Variants in LRRC38 observed in about 807,000 individuals in gnomAD.
LRRC38 encodes leucine-rich repeat-containing protein 38.
In LRRC38, 5 loss-of-function variants were observed where a neutral mutation model predicts 16.4. The ratio of observed to expected loss-of-function variants is 0.31; its 90% confidence interval spans 0.16 to 0.64. The LOEUF (loss-of-function observed/expected upper bound fraction) is 0.64. Ranked by LOEUF, LRRC38 falls within the 30% of genes least tolerant of loss-of-function variation. LRRC38 has a pLI of 0.80. For synonymous variants in LRRC38, 191 were observed against 190.2 expected (o/e 1.00, Z -0.04); for missense variants, 341 against 401.8 (o/e 0.85, Z 1.29).
chr1:13,512,922 C>CCCCCCAG, intron 1 of LRRC38, 41 bp downstream of exon 1: 1 of 1,218,340 alleles, frequency 8.2e-7, no homozygotes, highest in South Asian at 1.4e-5. Flanking sequence ...CCTCTCCCTG[C>CCCCCCAG]CCCCCTCCCT....
intron 1 of LRRC38, among the ~76,000 whole-genome samples, chr1:13,492,195 CA>C (rs1378943025): frequency 1.3e-5 from 2 of 152,288 alleles, no homozygotes; most frequent in East Asian, 3.9e-4. Context: ...GTACTGCGTA[CA>C]AGTGAAATCA....
chr1:13,481,807 C>A (rs1313478176), intron 1 of LRRC38, among the ~76,000 whole-genome samples: 1 of 138,552 alleles, frequency 7.2e-6, no homozygotes, highest in African/African-American at 2.8e-5. Flanking sequence ...CTCTCTCTCT[C>A]TCTCTCTCTC....
intron 1 of LRRC38, among the ~76,000 whole-genome samples, chr1:13,497,006 T>C (rs1639088389): frequency 6.6e-6 from 1 of 151,566 alleles, no homozygotes; most frequent in African/African-American, 2.4e-5. Context: ...GGCCCTGAGG[T>C]AAGAAGGTAC....
chr1:13,481,376 GTTTTTTTTATTTT>G lies in LRRC38; in HGVS notation c.632-5290_632-5278del, dbSNP rs1393636839. ...TCTGGCCAGGGATTAGTGTTCTTATGTTTTTTTTATTTTTTTTTTTTTGTTCTTTTTTTGAGAT... is the reference window on the plus strand; with the variant it reads ...TCTGGCCAGGGATTAGTGTTCTTATGTTTTTTTTTGTTCTTTTTTTGAGAT... On this transcript the variant is annotated intron_variant, in intron 1 of 1. Transcript: ENST00000376085. 2.4e-3 allele frequency among the ~76,000 whole-genome samples: 329 copies of G among 135,738 alleles called. 3 individuals carry two copies. The highest frequency in any genetic ancestry group is 3.6e-3 in the Non-Finnish European group (222 of 61,660). The allele number at this position is 135,738 out of a possible 152,430, so 89.0% of individuals were successfully genotyped here. A position where few individuals can be genotyped will look rare whatever the true frequency, so the allele number is the denominator to read the frequency against.
chr1:13,496,667 C>T (rs79888716), intron 1 of LRRC38, among the ~76,000 whole-genome samples: 154 of 152,224 alleles, frequency 1.0e-3, no homozygotes, highest in Non-Finnish European at 1.9e-3. Flanking sequence ...ACGTATGGAG[C>T]ACCTATTACC....
intron 1 of LRRC38, among the ~76,000 whole-genome samples, chr1:13,510,001 C>T (rs1197408986): frequency 6.6e-6 from 1 of 152,148 alleles, no homozygotes; most frequent in Non-Finnish European, 1.5e-5. Flanking sequence ...CACAAGCTCC[C>T]CTGGCGATTC....
intron 1 of LRRC38, among the ~76,000 whole-genome samples, chr1:13,496,841 G>C (rs1557501578): frequency 6.6e-6 from 1 of 152,180 alleles, no homozygotes; most frequent in Admixed American, 6.5e-5. Flanking sequence ...AGGGGGACAG[G>C]GAAGGAGAGC....
intron 1 of LRRC38, among the ~76,000 whole-genome samples, chr1:13,490,214 T>C (rs182117811): frequency 8.7e-4 from 133 of 152,282 alleles, no homozygotes; most frequent in Non-Finnish European, 1.5e-3. Context: ...TGGAGTACAG[T>C]GGCGTGACCG....
intron 1 of LRRC38, among the ~76,000 whole-genome samples, chr1:13,486,632 C>T (rs1437501139): frequency 6.6e-6 from 1 of 150,378 alleles, no homozygotes; most frequent in Admixed American, 6.6e-5. Context: ...ACTCTATCAC[C>T]CAGGCTGGAG....
At chr1:13,507,411 C>T (rs1022992711) in intron 1 of LRRC38, among the ~76,000 whole-genome samples, 1 of 152,232 alleles carries the variant, frequency 6.6e-6, no homozygotes, top group Admixed American at 6.5e-5. Flanking sequence ...AGGAACACAG[C>T]TCTCTCAGGT....
At chr1:13,494,447 A>G (rs1639057666) in intron 1 of LRRC38, among the ~76,000 whole-genome samples, 1 of 138,002 alleles carries the variant, frequency 7.2e-6, no homozygotes, top group Non-Finnish European at 1.5e-5. Context: ...ATAATGTGGT[A>G]GGCTTTTTAC....
In LRRC38 at chr1:13,513,501, G is replaced by A; in HGVS notation, c.93C>T (p.Gly31=). 2 of 1,483,772 alleles carry A rather than the reference G, an allele frequency of 1.3e-6. No individual in the cohort carries two copies. Among genetic ancestry groups the A allele is most frequent in the East Asian group, 2.5e-5 (1 of 39,974 alleles). The allele number at this position is 1,483,772 out of a possible 1,614,324, so 91.9% of individuals were successfully genotyped here. A position where few individuals can be genotyped will look rare whatever the true frequency, so the allele number is the denominator to read the frequency against. The change falls in exon 1 of 2, where the codon GGC becomes GGT. Residue 31 remains glycine, a synonymous_variant. Transcript: ENST00000376085. ...CGGTGTGCGGGTCGGTGCAGGCGCA[G>A]CCCGCGGGGCACGCGTGCCCGGGCG... ...LLAPGHACPA[G]CACTDPHTVD...
chr1:13,501,586 G>GT (rs1310308217), intron 1 of LRRC38, among the ~76,000 whole-genome samples: 1 of 40,424 alleles, frequency 2.5e-5, no homozygotes, highest in Admixed American at 2.4e-4. Context: ...TTTTTGTGGA[G>GT]TTTTTTGTTT....
At chr1:13,477,060 G>A (rs1293328118) in intron 1 of LRRC38, among the ~76,000 whole-genome samples, 2 of 151,942 alleles carry the variant, frequency 1.3e-5, no homozygotes, top group Non-Finnish European at 2.9e-5. Flanking sequence ...AGCTGAGATC[G>A]CCCCACTGCA....
At chr1:13,481,772 CCTCTCTCCCTCTCTCCCTCTCTCTCTCT>C (rs1557495281) in intron 1 of LRRC38, among the ~76,000 whole-genome samples, 1 of 30,078 alleles carries the variant, frequency 3.3e-5, no homozygotes, top group Non-Finnish European at 5.6e-5. Flanking sequence ...CCTCTCTCTC[CCTCTCTCCCTCTCTCCCTCTCTCTCTCT>C]CTCTCTCTCT....
intron 1 of LRRC38, 132 bp downstream of exon 1, chr1:13,512,831 A>T (rs1639288703): frequency 1.1e-6 from 1 of 944,614 alleles, no homozygotes; most frequent in Non-Finnish European, 1.5e-6. Context: ...GCAGAGACCC[A>T]GGAAAAGTTC....
chr1:13,493,222 T>C (rs1639038622), intron 1 of LRRC38, among the ~76,000 whole-genome samples: 1 of 152,058 alleles, frequency 6.6e-6, no homozygotes, highest in African/African-American at 2.4e-5. Context: ...AGACCCAGGT[T>C]CCCAGCACCA....
chr1:13,503,814 C>T (rs1229374642), intron 1 of LRRC38, among the ~76,000 whole-genome samples: 1 of 152,180 alleles, frequency 6.6e-6, no homozygotes, highest in Non-Finnish European at 1.5e-5. Context: ...TTCTGTTGGC[C>T]TTTGAGAAGC....
rs1007675552 is a variant in LRRC38 at position 13,513,588 on chromosome 1, G to A, written c.6C>T (p.Arg2=). The change falls in exon 1 of 2, where the codon CGC becomes CGT. Residue 2 remains arginine, a synonymous_variant. Coordinates refer to ENST00000376085, the MANE Select transcript of LRRC38 (RefSeq NM_001010847.2). M[R]PRAPACAAAA... ...CGGCGGCGCAGGCTGGGGCTCGGGGGCGCATGGCCGGGGGGCCCGCGCCGG... is the reference window on the plus strand; with the variant it reads ...CGGCGGCGCAGGCTGGGGCTCGGGGACGCATGGCCGGGGGGCCCGCGCCGG... 8 of 1,158,522 alleles carry A rather than the reference G, an allele frequency of 6.9e-6. No homozygotes were observed. Among genetic ancestry groups the A allele is most frequent in the Middle Eastern group, 3.5e-4 (1 of 2,840 alleles). The allele number at this position is 1,158,522 out of a possible 1,614,324, so 71.8% of individuals were successfully genotyped here. A position where few individuals can be genotyped will look rare whatever the true frequency, so the allele number is the denominator to read the frequency against.
Sources: allele counts gnomAD v4.1 joint callset (sites outside exome capture counted in the v4.1 genomes callset), GRCh38; gene constraint gnomAD v4.1.1; transcripts MANE v1.5; gene names NCBI Gene and HGNC (gene_info 2026-07-23, HGNC 2026-07-21).